The following RAB6B variants were observed in gnomAD, a reference collection of about 807,000 sequenced individuals.
The protein encoded by RAB6B is RAB6B, member RAS oncogene family, also known as ras-related protein Rab-6B.
RAB6B carries 7 observed loss-of-function variants against 31.2 expected under a neutral mutation model. That is an observed-to-expected ratio of 0.22 (90% CI 0.13 to 0.42). The LOEUF (loss-of-function observed/expected upper bound fraction) is 0.42. Among genes scored for constraint, RAB6B ranks in the 10% least tolerant of loss-of-function variants. RAB6B has a pLI of 1.00. For missense variants in RAB6B, 149 were observed against 280.6 expected (o/e 0.53, Z 3.35); for synonymous variants, 105 against 104.9 (o/e 1.00, Z -0.01).
intron 1 of RAB6B, among the ~76,000 whole-genome samples, chr3:133,887,080 C>T (rs73861251): frequency 0.01 from 1,563 of 152,242 alleles, 38 homozygotes; most frequent in African/African-American, 0.036. Context: ...CTGCTGGGGA[C>T]ACCATATACC....
intron 1 of RAB6B, among the ~76,000 whole-genome samples, chr3:133,890,595 AAGC>A (rs1485957387): frequency 6.6e-6 from 1 of 152,168 alleles, no homozygotes; most frequent in Non-Finnish European, 1.5e-5. Flanking sequence ...TGGCTTAAAA[AAGC>A]AGCAGGTGTC....
intron 1 of RAB6B, among the ~76,000 whole-genome samples, chr3:133,883,631 C>T (rs1370059785): frequency 6.6e-6 from 1 of 152,210 alleles, no homozygotes; most frequent in Non-Finnish European, 1.5e-5. Context: ...CCTCTTAGCC[C>T]TCCTCTTTTA....
chr3:133,841,046 A>C (rs1935818166), intron 4 of RAB6B, among the ~76,000 whole-genome samples: 1 of 152,164 alleles, frequency 6.6e-6, no homozygotes, highest in Admixed American at 6.5e-5. Flanking sequence ...GAGCAGGACC[A>C]ACCTGGCCCT....
Position 133,872,125 on chromosome 3 carries a change from A to G in RAB6B, c.71-7483T>C, listed in dbSNP as rs991108387. Among the ~76,000 whole-genome samples, 3 of 152,240 alleles carry G rather than the reference A, an allele frequency of 2.0e-5. No homozygotes were observed. In the East Asian group the frequency reaches 5.8e-4, roughly 29 times the overall value. On this transcript the variant is annotated intron_variant, in intron 1 of 7. Transcript: ENST00000285208. ...CCCCGGCCCACAGCCCCCAGCAGCC[A>G]GGCCCATTTCAGATAATGTCTGCAG...
chr3:133,859,409 C>T (rs890344871), intron 2 of RAB6B, among the ~76,000 whole-genome samples: 4 of 152,156 alleles, frequency 2.6e-5, no homozygotes, highest in African/African-American at 9.7e-5. Flanking sequence ...TTTCACGCCC[C>T]TTTTCTATTC....
intron 1 of RAB6B, among the ~76,000 whole-genome samples, chr3:133,875,940 G>A (rs1314520563): frequency 3.9e-5 from 6 of 152,166 alleles, no homozygotes; most frequent in Non-Finnish European, 8.8e-5. Flanking sequence ...TCCGGCATGC[G>A]ACTACTGTGC....
chr3:133,869,281 G>C (rs540995374), intron 1 of RAB6B, among the ~76,000 whole-genome samples: 1 of 152,250 alleles, frequency 6.6e-6, no homozygotes, highest in Admixed American at 6.5e-5. Context: ...AAGCCAGACA[G>C]TGTGTGAGGA....
rs1243874721 is a variant in RAB6B, at chr3:133,824,288, C to T, written c.*4500G>A. On this transcript the variant is annotated 3_prime_UTR_variant, in exon 8 of 8. Transcript: ENST00000285208. ...GTTTGACCAACATGCTGAGTCTTTT[C>T]CACATTTTACACAGTTTAATGTGAA... 6.6e-6 allele frequency: 1 copy of T among 152,214 alleles called. No homozygotes were observed. The highest frequency in any genetic ancestry group is 2.4e-5 in the African/African-American group (1 of 41,440). 9.4% of individuals were successfully genotyped at this position (152,214 alleles called of 1,614,324 possible).
At chr3:133,889,440 A>ATT (rs1936606101) in intron 1 of RAB6B, among the ~76,000 whole-genome samples, 1 of 99,524 alleles carries the variant, frequency 1.0e-5, no homozygotes, top group African/African-American at 4.2e-5. Context: ...ATATATATAT[A>ATT]TATATTTATT....
chr3:133,891,855 C>T (rs1334732383), intron 1 of RAB6B, among the ~76,000 whole-genome samples: 1 of 152,142 alleles, frequency 6.6e-6, no homozygotes, highest in East Asian at 1.9e-4. Flanking sequence ...CTGGTCAGAG[C>T]GAGAAACTGG....
In RAB6B at chr3:133,826,575, T is replaced by C. The variant is rs2107982018; in HGVS notation, c.*2213A>G. On this transcript the variant is annotated 3_prime_UTR_variant, in exon 8 of 8. Transcript: ENST00000285208. ...CTCCTGTAAATTCTCTCGAGGTAAG[T>C]AAGCACTCTTCCAACAAGCACCACT... is the stretch of plus-strand genomic sequence containing the variant. 1 of 152,802 alleles carries C rather than the reference T, an allele frequency of 6.5e-6. No individual in the cohort carries two copies. The highest frequency in any genetic ancestry group is 1.9e-4 in the East Asian group (1 of 5,180). The allele number at this position is 152,802 out of a possible 1,614,324, so 9.5% of individuals were successfully genotyped here. A position where few individuals can be genotyped will look rare whatever the true frequency, so the allele number is the denominator to read the frequency against.
At chr3:133,890,220 C>G (rs1936618892) in intron 1 of RAB6B, among the ~76,000 whole-genome samples, 1 of 152,146 alleles carries the variant, frequency 6.6e-6, no homozygotes, top group South Asian at 2.1e-4. Flanking sequence ...CCTGGTTGTT[C>G]TCATGTATTT....
rs553887470 is a variant in RAB6B, at chr3:133,861,592, C to T, written c.129+2992G>A. Among the ~76,000 whole-genome samples, 30 of 152,322 alleles carry T rather than the reference C, an allele frequency of 2.0e-4. No individual in the cohort carries two copies. In the East Asian group the frequency reaches 4.2e-3, roughly 22 times the overall value. ...AGCTGTCACTGAGGATAGGGTTAAA[C>T]GCCCCCTCCCTGTCCTTCATGCCCT... On this transcript the variant is annotated intron_variant, in intron 2 of 7. Coordinates refer to ENST00000285208, the MANE Select transcript of RAB6B (RefSeq NM_016577.4).
At chr3:133,879,265 C>T (rs557788582) in intron 1 of RAB6B, among the ~76,000 whole-genome samples, 3 of 152,230 alleles carry the variant, frequency 2.0e-5, no homozygotes, top group Non-Finnish European at 2.9e-5. Flanking sequence ...ATTACACGCA[C>T]ACATCCATGT....
chr3:133,858,147 C>A (rs1936108617), intron 2 of RAB6B, among the ~76,000 whole-genome samples: 2 of 152,348 alleles, frequency 1.3e-5, no homozygotes, highest in South Asian at 4.1e-4. Flanking sequence ...GGGCCTTCCA[C>A]AGTCCCAGTC....
intron 6 of RAB6B, among the ~76,000 whole-genome samples, chr3:133,837,542 AG>A (rs1432602232): frequency 6.6e-6 from 1 of 152,230 alleles, no homozygotes; most frequent in African/African-American, 2.4e-5. Flanking sequence ...GACGTCCTTC[AG>A]TGCTACGGAC....
At chr3:133,884,504 C>T (rs1014099664) in intron 1 of RAB6B, among the ~76,000 whole-genome samples, 8 of 152,214 alleles carry the variant, frequency 5.3e-5, no homozygotes, top group African/African-American at 1.9e-4. Flanking sequence ...TCTCTCAAGT[C>T]CTTGGGGACT....
intron 1 of RAB6B, among the ~76,000 whole-genome samples, chr3:133,883,550 G>A (rs1418263426): frequency 6.6e-6 from 1 of 151,960 alleles, no homozygotes; most frequent in Non-Finnish European, 1.5e-5. Context: ...CAGTGTCTGT[G>A]AGCCTCTCCC....
Position 133,825,553 on chromosome 3 carries a change from C to G in RAB6B, c.*3235G>C, listed in dbSNP as rs1417088371. On this transcript the variant is annotated 3_prime_UTR_variant, in exon 8 of 8. Coordinates refer to ENST00000285208, the MANE Select transcript of RAB6B (RefSeq NM_016577.4). ...AGCCAACTAGCCTTGGATCACACAACTGCAGCCATGGTGCTCATGATTCTG... is the reference window on the plus strand; with the variant it reads ...AGCCAACTAGCCTTGGATCACACAAGTGCAGCCATGGTGCTCATGATTCTG... 1 of 152,256 alleles carries G rather than the reference C, an allele frequency of 6.6e-6. No individual in the cohort carries two copies. The highest frequency in any genetic ancestry group is 1.5e-5 in the Non-Finnish European group (1 of 68,056). The allele number at this position is 152,256 out of a possible 1,614,324, so 9.4% of individuals were successfully genotyped here.
Sources: gnomAD v4.1 joint callset for allele counts (sites outside exome capture counted in the v4.1 genomes callset) on GRCh38, gnomAD v4.1.1 for gene constraint, MANE v1.5 for transcripts, NCBI Gene and HGNC (gene_info 2026-07-23, HGNC 2026-07-21) for gene names.